The following CCDC15 variants were observed in gnomAD, a reference collection of about 807,000 sequenced individuals.
CCDC15 encodes coiled-coil domain-containing protein 15.
Under a neutral mutation model 114.5 loss-of-function variants are expected in CCDC15, and 105 were observed. The observed-to-expected ratio is 0.92, with a 90% confidence interval of 0.78 to 1.08. The LOEUF is 1.08. Ranked by LOEUF, CCDC15 falls within the 50% of genes least tolerant of loss-of-function variation. The pLI, the probability that CCDC15 is intolerant of heterozygous loss-of-function variation, is 0.00. For synonymous variants in CCDC15, 334 were observed against 377.8 expected (o/e 0.88, Z 1.34); for missense variants, 1,105 against 1,093.6 (o/e 1.01, Z -0.15).
chr11:125,037,288 A>G (rs1052449066), intron 13 of CCDC15, among the ~76,000 whole-genome samples: 18 of 152,186 alleles, frequency 1.2e-4, no homozygotes, highest in African/African-American at 4.3e-4. Flanking sequence ...TACTCTACCT[A>G]ATGTTCTGTG....
intron 13 of CCDC15, among the ~76,000 whole-genome samples, chr11:125,010,162 G>A (rs61912663): frequency 0.092 from 13,980 of 152,112 alleles, 893 homozygotes; most frequent in Non-Finnish European, 0.14. Context: ...TTTCTCTGCA[G>A]CCTTGCAATT....
intron 13 of CCDC15, among the ~76,000 whole-genome samples, chr11:125,008,956 C>T (rs537291992): frequency 3.3e-5 from 5 of 152,222 alleles, no homozygotes; most frequent in South Asian, 4.2e-4. Flanking sequence ...CGGTGGCTCA[C>T]GCCTGTAATC....
intron 4 of CCDC15, among the ~76,000 whole-genome samples, chr11:124,974,709 A>T (rs568523720): frequency 6.6e-6 from 1 of 152,214 alleles, no homozygotes; most frequent in African/African-American, 2.4e-5. Context: ...TTAAGCATAT[A>T]TGGAGCACTT....
At chr11:124,996,822 C>G (rs906469264) in intron 11 of CCDC15, among the ~76,000 whole-genome samples, 2 of 152,222 alleles carry the variant, frequency 1.3e-5, no homozygotes, top group Admixed American at 1.3e-4. Context: ...TTGTGCCTGC[C>G]TTATTTCACT....
intron 13 of CCDC15, among the ~76,000 whole-genome samples, chr11:125,035,630 C>A (rs1170112046): frequency 1.3e-5 from 2 of 151,762 alleles, no homozygotes; most frequent in Non-Finnish European, 2.9e-5. Context: ...ACTTTTTTTT[C>A]TGGTTGTTTC....
chr11:125,021,309 A>G (rs1008706955), intron 13 of CCDC15, among the ~76,000 whole-genome samples: 2 of 151,846 alleles, frequency 1.3e-5, no homozygotes, highest in African/African-American at 4.8e-5. Context: ...TGAGAGGGCA[A>G]GTAAAATTAG....
At chr11:125,027,501 A>AT (rs1948711762) in intron 13 of CCDC15, among the ~76,000 whole-genome samples, 1 of 151,624 alleles carries the variant, frequency 6.6e-6, no homozygotes, top group Non-Finnish European at 1.5e-5. Flanking sequence ...GATGTTGAGC[A>AT]TTTTTTCATA....
chr11:124,957,877 G>A (rs1425631207), intron 2 of CCDC15, among the ~76,000 whole-genome samples: 2 of 152,178 alleles, frequency 1.3e-5, no homozygotes, highest in African/African-American at 4.8e-5. Context: ...GAATAGGTAC[G>A]AGATATGATG....
intron 13 of CCDC15, among the ~76,000 whole-genome samples, chr11:125,034,497 A>G (rs1049762118): frequency 6.6e-6 from 1 of 152,212 alleles, no homozygotes; most frequent in African/African-American, 2.4e-5. Context: ...TTTGAGGCTC[A>G]GTGTCTGCTT....
intron 11 of CCDC15, among the ~76,000 whole-genome samples, chr11:124,997,170 C>T (rs1948387569): frequency 6.6e-6 from 1 of 152,064 alleles, no homozygotes; most frequent in Non-Finnish European, 1.5e-5. Flanking sequence ...CTAGTTGATA[C>T]TGGGAATGGG....
chr11:124,971,045 A>T (rs1183334349), intron 4 of CCDC15, among the ~76,000 whole-genome samples: 2 of 152,176 alleles, frequency 1.3e-5, no homozygotes, highest in African/African-American at 4.8e-5. Flanking sequence ...CAGTCAGCTA[A>T]GGCTAGGGAG....
intron 6 of CCDC15, among the ~76,000 whole-genome samples, chr11:124,978,128 A>G (rs892801383): frequency 6.6e-6 from 1 of 152,088 alleles, no homozygotes; most frequent in African/African-American, 2.4e-5. Flanking sequence ...TTCATGAATT[A>G]GTTTGCAGTT....
chr11:125,013,267 A>G (rs995519147), intron 13 of CCDC15, among the ~76,000 whole-genome samples: 1 of 152,208 alleles, frequency 6.6e-6, no homozygotes, highest in Non-Finnish European at 1.5e-5. Context: ...CAGATGGTCA[A>G]GGAGCTTAGT....
chr11:124,991,096 A>G (rs1357625716), intron 8 of CCDC15, among the ~76,000 whole-genome samples: 2 of 152,242 alleles, frequency 1.3e-5, no homozygotes, highest in African/African-American at 4.8e-5. Flanking sequence ...CTTTCATAGA[A>G]AGCAAGTCTG....
In CCDC15 at chr11:124,987,856, C is replaced by T; in HGVS notation, c.1630C>T (p.Gln544Ter). ...PKDQDFLSRD[Q>*]HVLPKDWNIL... The stretch of plus-strand genomic sequence containing the variant: ...AGACCAGGACTTTTTATCTAGAGAC[C>T]AGCATGTTCTCCCCAAAGACTGGAA... The change falls in exon 8 of 16, where the codon CAG (glutamine) becomes TAG (stop). Residue 544 changes from glutamine (Q) to a stop codon, truncating the protein, a stop_gained. Transcript: ENST00000344762. LOFTEE classifies it high-confidence loss of function. 1 of 1,613,978 alleles carries T rather than the reference C, an allele frequency of 6.2e-7. No individual in the cohort carries two copies. The highest frequency in any genetic ancestry group is 8.5e-7 in the Non-Finnish European group (1 of 1,179,874).
chr11:124,969,170 T>C (rs1947837145), intron 4 of CCDC15, among the ~76,000 whole-genome samples: 1 of 152,216 alleles, frequency 6.6e-6, no homozygotes, highest in African/African-American at 2.4e-5. Flanking sequence ...CAATACTGTA[T>C]TTTAAATATG....
intron 4 of CCDC15, among the ~76,000 whole-genome samples, chr11:124,962,481 G>A (rs1947685095): frequency 6.6e-6 from 1 of 152,174 alleles, no homozygotes; most frequent in African/African-American, 2.4e-5. Context: ...AGTTGATAGT[G>A]CTAAAGTGAG....
intron 13 of CCDC15, among the ~76,000 whole-genome samples, chr11:125,009,729 C>G (rs1025715022): frequency 5.3e-5 from 8 of 152,086 alleles, no homozygotes; most frequent in Non-Finnish European, 8.8e-5. Flanking sequence ...AGTTTAGCTC[C>G]CACTTATAAG....
In CCDC15 at chr11:124,987,812, G is replaced by T; in HGVS notation, c.1586G>T (p.Gly529Val). The change falls in exon 8 of 16, where the codon GGC becomes GTC. Residue 529 changes from glycine to valine, a missense_variant. By Grantham distance (109) the Gly-to-Val change is moderately radical. Coordinates refer to ENST00000344762, the MANE Select transcript of CCDC15 (RefSeq NM_025004.3). Reference sequence around the variant, plus strand: ...CAGAATATTCTACCTAAATATCAAGGCCAGGATTTTCTACCTAAAGACCAG... The same window carrying T: ...CAGAATATTCTACCTAAATATCAAGTCCAGGATTTTCTACCTAAAGACCAG... ...KDQNILPKYQGQDFLPKDQDF... is the reference protein window; with the variant it reads ...KDQNILPKYQVQDFLPKDQDF... The T allele has an allele frequency of 1.2e-6, 2 of 1,610,996 alleles. No individual in the cohort carries two copies. Among genetic ancestry groups the T allele is most frequent in the Non-Finnish European group, 1.7e-6 (2 of 1,178,964 alleles).
Sources: allele counts gnomAD v4.1 joint callset (sites outside exome capture counted in the v4.1 genomes callset), GRCh38; gene constraint gnomAD v4.1.1; transcripts MANE v1.5; gene names NCBI Gene and HGNC (gene_info 2026-07-23, HGNC 2026-07-21).